FREM2: variants seen among roughly 807,000 people sequenced by gnomAD.
The protein encoded by FREM2 is FRAS1 related extracellular matrix 2, also known as FRAS1-related extracellular matrix protein 2.
A neutral mutation model predicts 219.9 loss-of-function variants in FREM2; 119 were observed. The ratio of observed to expected loss-of-function variants is 0.54; its 90% CI spans 0.47 to 0.63. The LOEUF (loss-of-function observed/expected upper bound fraction) is 0.63. Among genes scored for constraint, FREM2 ranks in the 30% least tolerant of loss-of-function variants. The pLI, the probability that FREM2 is intolerant of heterozygous loss-of-function variation, is 0.00. For synonymous variants in FREM2, 1,562 were observed against 1,522.8 expected, an observed-to-expected ratio of 1.03 and a Z score of -0.60; for missense variants, 4,030 against 3,993.6, an observed-to-expected ratio of 1.01 and a Z score of -0.25.
intron 6 of FREM2, among the ~76,000 whole-genome samples, chr13:38,799,360 G>A (rs556164300): frequency 6.6e-6 from 1 of 151,936 alleles, no homozygotes; most frequent in South Asian, 2.1e-4. Flanking sequence ...AAAATTTGTT[G>A]AGGCTTGTTT....
chr13:38,868,489 A>G (rs1878048757), intron 16 of FREM2, among the ~76,000 whole-genome samples: 1 of 152,254 alleles, frequency 6.6e-6, no homozygotes, highest in Admixed American at 6.5e-5. Flanking sequence ...ACACATCATA[A>G]TGCTTATCTG....
chr13:38,816,331 T>C (rs1875762371), intron 6 of FREM2, among the ~76,000 whole-genome samples: 1 of 152,122 alleles, frequency 6.6e-6, no homozygotes, highest in South Asian at 2.1e-4. Flanking sequence ...TGAAAATTCT[T>C]AACGAGATGC....
At position 38,721,072 on chromosome 13, in the gene FREM2, T is replaced by C. The variant is rs147123768; in HGVS notation, c.5263+23285T>C. ...GATGCTGGGTTTAATACCTAGGTGA[T>C]GGGTTGATAGGTGCAGCAAACCACC... On this transcript the variant is annotated intron_variant, in intron 2 of 23. Transcript: ENST00000280481. Among the ~76,000 whole-genome samples the C allele has an allele frequency of 4.3e-3, 657 of 152,220 alleles. 11 individuals are homozygous for C. Among genetic ancestry groups the C allele is most frequent in the African/African-American group, 0.015 (614 of 41,524 alleles).
At chr13:38,840,607 C>A (rs1355412544) in intron 6 of FREM2, among the ~76,000 whole-genome samples, 4 of 135,904 alleles carry the variant, frequency 2.9e-5, no homozygotes, top group Admixed American at 7.1e-5. Flanking sequence ...TATTTTTTAA[C>A]CTGGGGGATA....
intron 2 of FREM2, among the ~76,000 whole-genome samples, chr13:38,721,593 C>A (rs1871262041): frequency 6.6e-6 from 1 of 152,016 alleles, no homozygotes; most frequent in African/African-American, 2.4e-5. Flanking sequence ...TGATACTGAC[C>A]CAAAAGGCAG....
chr13:38,763,250 T>A (rs1873301987), intron 2 of FREM2, among the ~76,000 whole-genome samples: 1 of 152,208 alleles, frequency 6.6e-6, no homozygotes, highest in Admixed American at 6.5e-5. Context: ...AGTTGATAGC[T>A]CAAAGTTGCT....
intron 2 of FREM2, among the ~76,000 whole-genome samples, chr13:38,711,275 A>C (rs996178993): frequency 1.3e-5 from 2 of 152,170 alleles, no homozygotes; most frequent in Admixed American, 6.5e-5. Context: ...AAAAGTAAAC[A>C]TTAGAGAGTC....
intron 6 of FREM2, among the ~76,000 whole-genome samples, chr13:38,807,965 C>G (rs1875315957): frequency 6.9e-6 from 1 of 145,080 alleles, no homozygotes; most frequent in African/African-American, 2.9e-5. Flanking sequence ...TAGATGGCTT[C>G]TTCTTCAAAT....
At position 38,691,364 on chromosome 13, in the gene FREM2, T is replaced by G; in HGVS notation, c.4020T>G (p.Val1340=). Residue 1340 remains valine (V), a synonymous_variant, in exon 1 of 24, where the codon GTT becomes GTG. Coordinates refer to ENST00000280481, the MANE Select transcript of FREM2 (RefSeq NM_207361.6). ...TDLDSEDKSL[V]YIIRYGPGHG... is the part of the protein sequence containing the mutation. ...TAGATTCAGAAGACAAATCTTTGGT[T>G]TATATTATTCGTTATGGGCCAGGAC... The G allele has an allele frequency of 6.2e-7, 1 of 1,613,976 alleles. No homozygotes were observed. Among genetic ancestry groups the G allele is most frequent in the South Asian group, 1.1e-5 (1 of 91,074 alleles).
chr13:38,877,596 A>G (rs968678969), intron 21 of FREM2, among the ~76,000 whole-genome samples: 6 of 152,108 alleles, frequency 3.9e-5, no homozygotes, highest in South Asian at 2.1e-4. Flanking sequence ...GCCTTACTCA[A>G]TGGTGTATAT....
At position 38,880,631 on chromosome 13, in the gene FREM2, C is replaced by G; in HGVS notation, c.9354C>G (p.Thr3118=). 6.2e-7 allele frequency: 1 copy of G among 1,613,876 alleles called. No homozygotes were observed. Among genetic ancestry groups the G allele is most frequent in the South Asian group, 1.1e-5 (1 of 91,062 alleles). Residue 3118 remains threonine, a synonymous_variant, in exon 24 of 24, where the codon ACC becomes ACG. Transcript: ENST00000280481. ...GCCTGGTCACTGTGGTGGGAGGCAC[C>G]ACGGTAGGGTTACTCACCATCTGCC... ...AVSLVTVVGG[T]TVGLLTICLT... is the part of the protein sequence containing the mutation.
Position 38,884,434 on chromosome 13 carries a change from T to G in FREM2, c.*3647T>G, listed in dbSNP as rs1234271897. ...TACAATGACATTTGCTTTTAAAAGG[T>G]GGATATTTTATTTCTGCTTTTTGAA... On this transcript the variant is annotated 3_prime_UTR_variant, in exon 24 of 24. Coordinates refer to ENST00000280481, the MANE Select transcript of FREM2 (RefSeq NM_207361.6). 6.6e-6 allele frequency: 1 copy of G among 152,190 alleles called. No individual in the cohort carries two copies. Among genetic ancestry groups the G allele is most frequent in the Non-Finnish European group, 1.5e-5 (1 of 68,036 alleles). The allele number at this position is 152,190 out of a possible 1,614,324, so 9.4% of individuals were successfully genotyped here.
chr13:38,783,338 C>T, intron 5 of FREM2, 143 bp downstream of exon 5: 3 of 926,604 alleles, frequency 3.2e-6, no homozygotes, highest in Non-Finnish European at 5.2e-6. Context: ...ATTTAGAAGT[C>T]TTTCTTCAGG....
intron 3 of FREM2, 53 bp downstream of exon 3, chr13:38,764,503 T>C: frequency 1.8e-6 from 2 of 1,113,712 alleles, no homozygotes; most frequent in East Asian, 2.6e-5. Context: ...TAGCAAAGGT[T>C]TATAATTCTA....
Position 38,697,684 on chromosome 13 carries a change from T to G in FREM2, c.5174-14T>G. On this transcript the variant is annotated splice_polypyrimidine_tract_variant and intron_variant, in intron 1 of 23. Coordinates refer to ENST00000280481, the MANE Select transcript of FREM2 (RefSeq NM_207361.6). ...TCTGGTAATTAATCATCTTGTTTTT[T>G]GGTTATTTTCTAGCTGACATTGATG... 6.8e-7 allele frequency: 1 copy of G among 1,460,432 alleles called. No individual in the cohort carries two copies. 90.5% of individuals were successfully genotyped at this position (1,460,432 alleles called of 1,614,324 possible).
chr13:38,844,109 C>T (rs9548490), intron 6 of FREM2, among the ~76,000 whole-genome samples: 18,798 of 152,154 alleles, frequency 0.12, 1,407 homozygotes, highest in Admixed American at 0.21. Context: ...ATTAGCACTG[C>T]ATTAAAGTTG....
intron 4 of FREM2, among the ~76,000 whole-genome samples, chr13:38,774,470 G>A (rs78225299): frequency 6.4e-4 from 98 of 152,188 alleles, no homozygotes; most frequent in African/African-American, 2.3e-3. Context: ...AGAATGCTAC[G>A]TGCTCTGATA....
At chr13:38,868,137 A>G (rs1343940446) in intron 16 of FREM2, among the ~76,000 whole-genome samples, 1 of 152,232 alleles carries the variant, frequency 6.6e-6, no homozygotes, top group Non-Finnish European at 1.5e-5. Flanking sequence ...ATACACGCAC[A>G]TATTATTTAC....
chr13:38,844,594 T>C (rs1369040098), intron 6 of FREM2, among the ~76,000 whole-genome samples: 1 of 152,198 alleles, frequency 6.6e-6, no homozygotes, highest in East Asian at 1.9e-4. Flanking sequence ...TTGATTTTAT[T>C]ATGTTCCTTT....
Sources: gnomAD v4.1 joint callset for allele counts (sites outside exome capture counted in the v4.1 genomes callset) on GRCh38, gnomAD v4.1.1 for gene constraint, MANE v1.5 for transcripts, NCBI Gene and HGNC (gene_info 2026-07-23, HGNC 2026-07-21) for gene names.